Variants in NTHL1 observed in about 807,000 individuals in gnomAD.
NTHL1 encodes the protein endonuclease III-like protein 1.
A neutral mutation model predicts 32.3 loss-of-function variants in NTHL1; 32 were observed. The ratio of observed to expected loss-of-function variants is 0.99; its 90% CI spans 0.75 to 1.33. The LOEUF (loss-of-function observed/expected upper bound fraction) is 1.33. Ranked by LOEUF, NTHL1 falls within the 40% of genes most tolerant of loss-of-function variation. NTHL1 has a pLI of 0.00. For synonymous variants in NTHL1, 188 were observed against 176.9 expected, an observed-to-expected ratio of 1.06 and a Z score of -0.50; for missense variants, 501 against 414.1, an observed-to-expected ratio of 1.21 and a Z score of -1.82.
intron 1 of NTHL1, chr16:2,047,441 C>G (rs1262011280): frequency 3.5e-6 from 2 of 564,248 alleles, no homozygotes; most frequent in Non-Finnish European, 6.2e-6. Flanking sequence ...TGGAGAGTCC[C>G]GGACAGAGTG....
rs1596222612 is a variant in NTHL1 at position 2,046,164 on chromosome 16, C to T, written c.318G>A (p.Gly106=). 2.5e-6 allele frequency: 4 copies of T among 1,613,194 alleles called. 1 individual carries two copies. The South Asian group carries it at 4.4e-5, about 18-fold the overall frequency. ...NKKDAPVDHL[G]TEHCYDSSAP... is the part of the protein sequence containing the mutation. Reference sequence around the variant, plus strand: ...CACTGGAGTCATAGCAGTGCTCAGTCCCCAGATGGTCCACAGGTGCATCCT... The same window carrying T: ...CACTGGAGTCATAGCAGTGCTCAGTTCCCAGATGGTCCACAGGTGCATCCT... Residue 106 remains glycine, a synonymous_variant, in exon 2 of 6, where the codon GGG becomes GGA. Coordinates refer to ENST00000651570, the MANE Select transcript of NTHL1 (RefSeq NM_002528.7).
Position 2,043,817 on chromosome 16 carries a change from G to A in NTHL1, c.526-91C>T. 4 of 1,470,816 alleles carry A rather than the reference G, an allele frequency of 2.7e-6. No individual in the cohort carries two copies. The South Asian group carries it at 4.6e-5, about 17-fold the overall frequency. 91.1% of individuals were successfully genotyped at this position (1,470,816 alleles called of 1,614,324 possible). On this transcript the variant is annotated intron_variant, in intron 3 of 5. Transcript: ENST00000651570. This position sits in a 1 kb window ranked among gnomAD's most constrained non-coding sequence, Gnocchi z 4.4. Reference sequence around the variant, plus strand: ...CCCAGGAGACCCACAGGTGGCCAGAGCTACCTGCACCTGCTGAGGACGTGT... The same window carrying A: ...CCCAGGAGACCCACAGGTGGCCAGAACTACCTGCACCTGCTGAGGACGTGT...
chr16:2,045,608 T>C (rs1321627947), intron 2 of NTHL1, among the ~76,000 whole-genome samples: 4 of 152,068 alleles, frequency 2.6e-5, no homozygotes, highest in Non-Finnish European at 5.9e-5. Context: ...GGCTAATTTT[T>C]GTATTTTTAG....
intron 2 of NTHL1, 73 bp downstream of exon 2, chr16:2,046,055 G>C: frequency 7.4e-7 from 1 of 1,354,446 alleles, no homozygotes; most frequent in Admixed American, 1.7e-5. Context: ...CCAGCCAAAA[G>C]CCACCGGGTA....
rs1409660372 is a variant in NTHL1 at position 2,046,108 on chromosome 16, C to T, written c.354+20G>A. ...TTGCTAAGATGGGGGGTCATCTGGG[C>T]AGATGGGGCCCCTGCCTACCTTTGG... On this transcript the variant is annotated intron_variant, in intron 2 of 5. Coordinates refer to ENST00000651570, the MANE Select transcript of NTHL1 (RefSeq NM_002528.7). 1 of 1,601,814 alleles carries T rather than the reference C, an allele frequency of 6.2e-7. No homozygotes were observed. Among genetic ancestry groups the T allele is most frequent in the African/African-American group, 1.3e-5 (1 of 74,674 alleles).
rs201822289 is a variant in NTHL1, at chr16:2,040,086, G to A, written c.792-39C>T. 4.2e-4 allele frequency: 676 copies of A among 1,612,250 alleles called. 2 individuals carry two copies. Among genetic ancestry groups the A allele is most frequent in the African/African-American group, 3.2e-3 (243 of 75,010 alleles). The stretch of plus-strand genomic sequence containing the variant: ...GGCTGGGTCAGTGCTGACAGAGGGC[G>A]GGCGGGGTGAGCTCTTCTCCCTAGG... On this transcript the variant is annotated intron_variant, in intron 5 of 5. Transcript: ENST00000651570.
At position 2,046,253 on chromosome 16, in the gene NTHL1, G is replaced by C; in HGVS notation, c.229C>G (p.Pro77Ala). The stretch of plus-strand genomic sequence containing the variant: ...TGCCAGTCCTGGGGCTCCCAGACTG[G>C]CACCTTGAGGGGCTCAGCCCCCTCA... The part of the protein sequence containing the change: ...KGEGAEPLKV[P>A]VWEPQDWQQQ... The change falls in exon 2 of 6, where the codon CCA becomes GCA. Residue 77 changes from proline to alanine, a missense_variant. Pro to Ala is a conservative substitution (Grantham distance 27). Coordinates refer to ENST00000651570, the MANE Select transcript of NTHL1 (RefSeq NM_002528.7). The C allele has an allele frequency of 6.2e-7, 1 of 1,613,230 alleles. No individual in the cohort carries two copies. Among genetic ancestry groups the C allele is most frequent in the Non-Finnish European group, 8.5e-7 (1 of 1,180,006 alleles).
At chr16:2,045,248 A>G (rs907647194) in intron 2 of NTHL1, among the ~76,000 whole-genome samples, 4 of 151,768 alleles carry the variant, frequency 2.6e-5, no homozygotes, top group Non-Finnish European at 4.4e-5. Flanking sequence ...GAGGCAGGAG[A>G]ATAATTTGAA....
rs2084385937 is a variant in NTHL1 at position 2,046,339 on chromosome 16, T to C, written c.143A>G (p.Lys48Arg). The C allele has an allele frequency of 6.2e-7, 1 of 1,608,478 alleles. No homozygotes were observed. Among genetic ancestry groups the C allele is most frequent in the Non-Finnish European group, 8.5e-7 (1 of 1,176,372 alleles). ...CAGTCTCTGTGCTTTCCGCGGACGC[T>C]TCACGGGGCTGTGGCTTTTCCTCGC... ...AEARKSHSPVKRPRKAQRLRV... is the reference protein window; with the variant it reads ...AEARKSHSPVRRPRKAQRLRV... Residue 48 changes from lysine to arginine, a missense_variant, in exon 2 of 6, where the codon AAG (lysine) becomes AGG (arginine). Physicochemically the swap from Lys to Arg is conservative, Grantham distance 26 (BLOSUM62 2). Coordinates refer to ENST00000651570, the MANE Select transcript of NTHL1 (RefSeq NM_002528.7).
intron 1 of NTHL1, chr16:2,047,452 G>C: frequency 1.7e-6 from 1 of 588,462 alleles, no homozygotes; most frequent in East Asian, 3.1e-5. Context: ...GGACAGAGTG[G>C]TGGGAAAGGA....
intron 2 of NTHL1, among the ~76,000 whole-genome samples, chr16:2,045,164 C>T (rs1351453768): frequency 6.6e-6 from 1 of 152,046 alleles, no homozygotes; most frequent in African/African-American, 2.4e-5. Flanking sequence ...TGGTGAAACC[C>T]CGTCTCTACT....
At chr16:2,040,091 G>C (rs2084240080) in intron 5 of NTHL1, 42 bp downstream of exon 5, 2 of 1,612,542 alleles carry the variant, frequency 1.2e-6, no homozygotes, top group Non-Finnish European at 8.5e-7. Flanking sequence ...AGGGCGGGCG[G>C]GGTGAGCTCT....
intron 1 of NTHL1, among the ~76,000 whole-genome samples, chr16:2,046,599 G>A (rs961517776): frequency 1.3e-5 from 2 of 152,154 alleles, no homozygotes; most frequent in African/African-American, 4.8e-5. Context: ...CCTGTACCAA[G>A]GTGCCCCCAA....
Position 2,044,085 on chromosome 16 carries a change from T to G in NTHL1, c.526-359A>C. ...AGGAAGGAGGGCTGGAGCTGGGGCT[T>G]CCCCACCAGCTGCCAGGCCTGCCGG... On this transcript the variant is annotated intron_variant, in intron 3 of 5. Transcript: ENST00000651570. The surrounding 1 kb of genome is among the most constrained non-coding windows in gnomAD (Gnocchi z 5.0). 1 of 380,192 alleles carries G rather than the reference T, an allele frequency of 2.6e-6. No individual in the cohort carries two copies. The highest frequency in any genetic ancestry group is 2.1e-5 in the African/African-American group (1 of 48,684). The allele number at this position is 380,192 out of a possible 1,614,324, so 23.6% of individuals were successfully genotyped here.
intron 2 of NTHL1, among the ~76,000 whole-genome samples, chr16:2,045,538 G>A (rs925553283): frequency 8.5e-5 from 13 of 152,082 alleles, no homozygotes; most frequent in Non-Finnish European, 1.3e-4. Flanking sequence ...CGGGGTTCAA[G>A]CGATTTTCCT....
intron 4 of NTHL1, among the ~76,000 whole-genome samples, chr16:2,041,680 T>G (rs1009295196): frequency 2.0e-5 from 3 of 151,906 alleles, no homozygotes; most frequent in African/African-American, 7.2e-5. Context: ...CGATCTCAGC[T>G]CACTGCAAGC....
At chr16:2,046,854 C>CT (rs1345707627) in intron 1 of NTHL1, 1 of 157,128 alleles carries the variant, frequency 6.4e-6, no homozygotes. Flanking sequence ...GGCCTATAGT[C>CT]TCAGCTACTT....
At chr16:2,047,404 C>T in intron 1 of NTHL1, 1 of 456,204 alleles carries the variant, frequency 2.2e-6, no homozygotes, top group South Asian at 2.6e-5. Context: ...TGCAGGAGGG[C>T]GGGGATGGGA....
At chr16:2,046,588 G>T (rs2150949405) in intron 1 of NTHL1, among the ~76,000 whole-genome samples, 1 of 152,278 alleles carries the variant, frequency 6.6e-6, no homozygotes, top group Admixed American at 6.5e-5. Context: ...TCTAGCAACA[G>T]CCTGTACCAA....
Sources: gnomAD v4.1 joint callset for allele counts (sites outside exome capture counted in the v4.1 genomes callset) on GRCh38, gnomAD v4.1.1 for gene constraint, Gnocchi (gnomAD v3.1) non-coding constraint, MANE v1.5 for transcripts, NCBI Gene and HGNC (gene_info 2026-07-23, HGNC 2026-07-21) for gene names.